PTPRN2: variants seen among roughly 807,000 people sequenced by gnomAD.
The protein encoded by PTPRN2 is receptor-type tyrosine-protein phosphatase N2.
In PTPRN2, 74 loss-of-function variants were observed where a neutral mutation model predicts 118.8. That is an observed-to-expected ratio of 0.62 (90% CI 0.52 to 0.76). The LOEUF (loss-of-function observed/expected upper bound fraction) is 0.76, where lower values mean the gene tolerates loss of function less well. Ranked by LOEUF, PTPRN2 falls within the 30% of genes least tolerant of loss-of-function variation. The pLI, the probability that PTPRN2 is intolerant of heterozygous loss-of-function variation, is 0.00. For missense variants in PTPRN2, 1,481 were observed against 1,394.4 expected (o/e 1.06, Z -0.99); for synonymous variants, 641 against 608.0 (o/e 1.05, Z -0.80).
At chr7:158,365,741 G>T (rs1424064437) in intron 2 of PTPRN2, among the ~76,000 whole-genome samples, 1 of 141,466 alleles carries the variant, frequency 7.1e-6, no homozygotes, top group Non-Finnish European at 1.5e-5. Flanking sequence ...CAGCATCCCT[G>T]GGAGAAGCCG....
At chr7:158,292,667 A>C (rs1306390922) in intron 3 of PTPRN2, among the ~76,000 whole-genome samples, 3 of 152,246 alleles carry the variant, frequency 2.0e-5, no homozygotes, top group Admixed American at 2.0e-4. Flanking sequence ...TAGGCTACAA[A>C]TCTGTCCTAC....
intron 12 of PTPRN2, among the ~76,000 whole-genome samples, chr7:157,878,827 C>A (rs1343050621): frequency 1.1e-5 from 1 of 94,460 alleles, no homozygotes; most frequent in Non-Finnish European, 2.1e-5. Flanking sequence ...CAGTGTGATA[C>A]CGTGCACCCA....
chr7:157,560,014 C>T lies in PTPRN2; in HGVS notation c.2902+8888G>A, dbSNP rs1799099969. On this transcript the variant is annotated intron_variant, in intron 21 of 22. Transcript: ENST00000389418. This position sits in a 1 kb window ranked among gnomAD's most constrained non-coding sequence, Gnocchi z 6.7. ...GCCTGGATGGGCTGGTGCCAGCACC[C>T]GGGACCAAGGAGGGAGCTTGCAGAA... Among the ~76,000 whole-genome samples, 1 of 152,148 alleles carries T rather than the reference C, an allele frequency of 6.6e-6. No homozygotes were observed. The highest frequency in any genetic ancestry group is 2.4e-5 in the African/African-American group (1 of 41,442).
intron 5 of PTPRN2, among the ~76,000 whole-genome samples, chr7:158,170,327 T>G (rs928736367): frequency 6.6e-6 from 1 of 152,128 alleles, no homozygotes; most frequent in Non-Finnish European, 1.5e-5. Context: ...AATCCCTCGT[T>G]ATGTGCCTGC....
intron 11 of PTPRN2, among the ~76,000 whole-genome samples, chr7:158,066,038 CTA>C (rs1356062194): frequency 1.3e-5 from 2 of 152,218 alleles, no homozygotes; most frequent in East Asian, 3.8e-4. Context: ...CTCAGTTTAC[CTA>C]TGTGTCCCAC....
At chr7:157,800,901 G>A (rs1040565798) in intron 12 of PTPRN2, among the ~76,000 whole-genome samples, 8 of 151,616 alleles carry the variant, frequency 5.3e-5, no homozygotes, top group Non-Finnish European at 1.0e-4. Flanking sequence ...GCAGTGAGCC[G>A]AGATCGCACC....
intron 11 of PTPRN2, among the ~76,000 whole-genome samples, chr7:158,033,592 G>A (rs1023306234): frequency 6.6e-6 from 1 of 152,208 alleles, no homozygotes; most frequent in Non-Finnish European, 1.5e-5. Context: ...GGGGAGGGCT[G>A]GTGGGTGGGT....
rs1823117780 is a variant in PTPRN2, at chr7:158,167,260, G to A, written c.581C>T (p.Thr194Ile). Residue 194 changes from threonine (T) to isoleucine (I), a missense_variant, in exon 6 of 23, where the codon ACC (threonine) becomes ATC (isoleucine). Around this residue, in one of 3 missense-constraint regions of PTPRN2, gnomAD observed 1,115 missense variants for 994.2 expected, o/e 1.12. Transcript: ENST00000389418. ...CAGCGCAGACGTGTGGGCCACATAG[G>A]TCAGGATGCTCTCGGAGAAGCGGTC... ...GDDRFSESIL[T>I]YVAHTSALTY... 3 of 1,609,080 alleles carry A rather than the reference G, an allele frequency of 1.9e-6. No homozygotes were observed. Among genetic ancestry groups the A allele is most frequent in the South Asian group, 1.1e-5 (1 of 90,632 alleles).
chr7:157,926,105 T>A (rs10274862), intron 11 of PTPRN2, among the ~76,000 whole-genome samples: 2 of 150,010 alleles, frequency 1.3e-5, no homozygotes, highest in African/African-American at 4.9e-5. Flanking sequence ...CCTCTGTCTA[T>A]CTACCACTAA....
At chr7:157,605,469 T>C (rs1439976403) in intron 15 of PTPRN2, among the ~76,000 whole-genome samples, 3 of 152,196 alleles carry the variant, frequency 2.0e-5, no homozygotes, top group African/African-American at 7.2e-5. Flanking sequence ...TCACCCACAG[T>C]GTGGCGAGCA....
At chr7:158,276,484 C>T (rs186877329) in intron 3 of PTPRN2, among the ~76,000 whole-genome samples, 227 of 144,834 alleles carry the variant, frequency 1.6e-3, no homozygotes, top group African/African-American at 5.8e-3. Flanking sequence ...CCCCACACCC[C>T]GGCCCCGACA....
At chr7:157,725,668 G>A (rs111316798) in intron 12 of PTPRN2, among the ~76,000 whole-genome samples, 4 of 125,886 alleles carry the variant, frequency 3.2e-5, no homozygotes, top group African/African-American at 1.3e-4. Context: ...ACACACAGAG[G>A]AGTGAGCCAG....
At chr7:157,952,937 C>T (rs527243726) in intron 11 of PTPRN2, among the ~76,000 whole-genome samples, 81 of 152,200 alleles carry the variant, frequency 5.3e-4, no homozygotes, top group South Asian at 1.7e-3. Flanking sequence ...GACGTCAGCA[C>T]GGCAGGTGGG....
chr7:157,684,861 CG>C (rs1797097208), intron 12 of PTPRN2, among the ~76,000 whole-genome samples: 1 of 151,960 alleles, frequency 6.6e-6, no homozygotes, highest in Non-Finnish European at 1.5e-5. Context: ...CCTCCTGGGC[CG>C]GCGCGAGGGA....
At chr7:157,797,893 C>G (rs2151088951) in intron 12 of PTPRN2, among the ~76,000 whole-genome samples, 1 of 152,360 alleles carries the variant, frequency 6.6e-6, no homozygotes, top group African/African-American at 2.4e-5. Context: ...CCGCAGCTCT[C>G]AAGCTGGAGG....
chr7:157,623,821 C>T (rs1363674049), intron 14 of PTPRN2, among the ~76,000 whole-genome samples: 1 of 152,172 alleles, frequency 6.6e-6, no homozygotes, highest in African/African-American at 2.4e-5. Flanking sequence ...CTCCAGTGGG[C>T]TGTGTTTGTC....
chr7:157,679,958 C>T (rs922218188), intron 13 of PTPRN2, among the ~76,000 whole-genome samples: 8 of 152,200 alleles, frequency 5.3e-5, no homozygotes, highest in East Asian at 1.9e-4. Context: ...TCCACGCACC[C>T]GTCTCCTCCA....
At chr7:158,375,289 A>T (rs1810410540) in intron 2 of PTPRN2, among the ~76,000 whole-genome samples, 1 of 152,226 alleles carries the variant, frequency 6.6e-6, no homozygotes, top group African/African-American at 2.4e-5. Flanking sequence ...CTGCTCATTT[A>T]GTCCCTCATT....
chr7:157,659,906 G>A (rs746290816), intron 13 of PTPRN2, among the ~76,000 whole-genome samples: 5 of 151,978 alleles, frequency 3.3e-5, no homozygotes, highest in East Asian at 3.9e-4. Context: ...CACCACGCCC[G>A]GCTAATTTTT....
Sources: gnomAD v4.1 joint callset for allele counts (sites outside exome capture counted in the v4.1 genomes callset) on GRCh38, gnomAD v4.1.1 for gene constraint, gnomAD v4.1.1 regional missense constraint, Gnocchi (gnomAD v3.1) non-coding constraint, MANE v1.5 for transcripts, NCBI Gene and HGNC (gene_info 2026-07-23, HGNC 2026-07-21) for gene names.